WWOX: variants seen among roughly 807,000 people sequenced by gnomAD.
The protein encoded by WWOX is WW domain containing oxidoreductase, also known as WW domain-containing oxidoreductase.
WWOX carries 69 observed loss-of-function variants against 46.2 expected under a neutral mutation model. That is an observed-to-expected ratio of 1.49 (90% confidence interval 1.23 to 1.82). WWOX has a LOEUF of 1.82. Among genes scored for constraint, WWOX ranks in the 40% most tolerant of loss-of-function variants. The probability of loss-of-function intolerance (pLI) is 0.00; values close to 1 mark genes in which losing one functional copy is unlikely to be tolerated. For synonymous variants in WWOX, 359 were observed against 202.6 expected (o/e 1.77, Z -6.56); for missense variants, 919 against 542.6 (o/e 1.69, Z -6.89).
At chr16:78,913,444 G>A (rs1433131479) in intron 8 of WWOX, among the ~76,000 whole-genome samples, 4 of 151,744 alleles carry the variant, frequency 2.6e-5, no homozygotes, top group African/African-American at 7.3e-5. Context: ...AAACCCTCAC[G>A]GCTCTTTCCC....
intron 5 of WWOX, among the ~76,000 whole-genome samples, chr16:78,228,339 CTTTTTT>C (rs34322106): frequency 9.1e-4 from 101 of 111,296 alleles, no homozygotes; most frequent in African/African-American, 2.9e-3. Flanking sequence ...CATATTCTCT[CTTTTTT>C]TTTTTTTTTT....
chr16:78,605,228 T>C (rs897442074), intron 8 of WWOX, among the ~76,000 whole-genome samples: 1 of 151,660 alleles, frequency 6.6e-6, no homozygotes, highest in Non-Finnish European at 1.5e-5. Flanking sequence ...TGTCATTGTT[T>C]CCCCATAATT....
intron 8 of WWOX, among the ~76,000 whole-genome samples, chr16:78,505,800 A>G (rs902372459): frequency 6.7e-5 from 10 of 148,878 alleles, no homozygotes; most frequent in South Asian, 4.4e-4. Flanking sequence ...CCCACATACT[A>G]CACTTTAAAA....
At chr16:79,116,052 T>C (rs1228486052) in intron 8 of WWOX, among the ~76,000 whole-genome samples, 3 of 152,198 alleles carry the variant, frequency 2.0e-5, no homozygotes, top group African/African-American at 4.8e-5. Context: ...AAGTGTACAA[T>C]AGCATTGTAA....
intron 8 of WWOX, among the ~76,000 whole-genome samples, chr16:78,645,515 A>G (rs560352010): frequency 7.2e-5 from 11 of 152,244 alleles, no homozygotes; most frequent in South Asian, 6.2e-4. Flanking sequence ...CATGGTGCCA[A>G]TGTATTTCTG....
At chr16:78,385,722 A>G (rs768172343) in intron 5 of WWOX, among the ~76,000 whole-genome samples, 2 of 152,186 alleles carry the variant, frequency 1.3e-5, no homozygotes, top group Non-Finnish European at 2.9e-5. Context: ...CCTTACAGGT[A>G]TCATGTTATC....
intron 8 of WWOX, among the ~76,000 whole-genome samples, chr16:78,472,500 A>C (rs909539759): frequency 1.3e-5 from 2 of 152,070 alleles, no homozygotes; most frequent in Non-Finnish European, 2.9e-5. Flanking sequence ...TGTGCCCTGA[A>C]GTTTTGCTAT....
chr16:78,477,929 C>T (rs1309229542), intron 8 of WWOX, among the ~76,000 whole-genome samples: 1 of 151,992 alleles, frequency 6.6e-6, no homozygotes, highest in African/African-American at 2.4e-5. Context: ...TATGTTCGTG[C>T]TAAAATGTGT....
chr16:78,640,990 GA>G (rs1838661812), intron 8 of WWOX, among the ~76,000 whole-genome samples: 1 of 151,500 alleles, frequency 6.6e-6, no homozygotes, highest in Non-Finnish European at 1.5e-5. Context: ...TGGAAGGAAG[GA>G]AAAGGGAAGG....
intron 8 of WWOX, among the ~76,000 whole-genome samples, chr16:79,210,109 C>G (rs1287353512): frequency 6.6e-6 from 1 of 152,176 alleles, no homozygotes; most frequent in African/African-American, 2.4e-5. Flanking sequence ...ATTATCAAAA[C>G]CCAAGTCTTT....
intron 8 of WWOX, among the ~76,000 whole-genome samples, chr16:78,739,919 A>G (rs1379900455): frequency 6.6e-6 from 1 of 152,162 alleles, no homozygotes; most frequent in Non-Finnish European, 1.5e-5. Flanking sequence ...TGCATTTATT[A>G]TTGCTAGGAT....
chr16:78,197,870 T>A (rs531300337), intron 5 of WWOX, among the ~76,000 whole-genome samples: 1 of 152,260 alleles, frequency 6.6e-6, no homozygotes, highest in East Asian at 1.9e-4. Flanking sequence ...AGAGCCCCCA[T>A]ATGTTTTAAC....
At chr16:78,312,106 CT>C (rs1216644032) in intron 5 of WWOX, among the ~76,000 whole-genome samples, 3 of 152,138 alleles carry the variant, frequency 2.0e-5, no homozygotes, top group African/African-American at 7.2e-5. Context: ...TTGCCTCCTC[CT>C]CTTACTTTTA....
At chr16:79,040,208 G>T (rs990621279) in intron 8 of WWOX, among the ~76,000 whole-genome samples, 1 of 151,456 alleles carries the variant, frequency 6.6e-6, no homozygotes, top group Non-Finnish European at 1.5e-5. Flanking sequence ...TGACCTCCAA[G>T]TTCTTTGAAC....
intron 5 of WWOX, among the ~76,000 whole-genome samples, chr16:78,254,115 G>A (rs2038059243): frequency 6.6e-6 from 1 of 151,836 alleles, no homozygotes; most frequent in African/African-American, 2.4e-5. Context: ...CTGTCACTCA[G>A]GCTAGAGTGC....
intron 8 of WWOX, among the ~76,000 whole-genome samples, chr16:78,906,475 T>G: frequency 6.6e-6 from 1 of 152,104 alleles, no homozygotes. Flanking sequence ...CAGGGAGTTT[T>G]CTGTCTTTGT....
chr16:78,407,384 G>T (rs1034102455), intron 6 of WWOX, among the ~76,000 whole-genome samples: 2 of 152,146 alleles, frequency 1.3e-5, no homozygotes, highest in Admixed American at 6.5e-5. Flanking sequence ...ATTCCACTCA[G>T]CTCATTCCTT....
intron 8 of WWOX, among the ~76,000 whole-genome samples, chr16:78,916,411 A>T (rs2045253249): frequency 6.6e-6 from 1 of 152,200 alleles, no homozygotes; most frequent in Non-Finnish European, 1.5e-5. Context: ...GAAGACTGGC[A>T]AGATGAGATT....
chr16:78,745,652 A>T (rs1486224360), intron 8 of WWOX, among the ~76,000 whole-genome samples: 1 of 147,782 alleles, frequency 6.8e-6, no homozygotes, highest in Admixed American at 7.0e-5. Context: ...TAAACATTTT[A>T]CAGCTGTTTT....
Sources: gnomAD v4.1 joint callset for allele counts (sites outside exome capture counted in the v4.1 genomes callset) on GRCh38, gnomAD v4.1.1 for gene constraint, MANE v1.5 for transcripts, NCBI Gene and HGNC (gene_info 2026-07-23, HGNC 2026-07-21) for gene names.